DACH2: variants seen among roughly 807,000 people sequenced by gnomAD.
The protein encoded by DACH2 is dachshund family transcription factor 2.
DACH2 carries 17 observed loss-of-function variants against 35.8 expected under a neutral mutation model. That is an observed-to-expected ratio of 0.48 (90% confidence interval 0.33 to 0.71). The LOEUF is 0.71. DACH2 is among the 30% of genes least tolerant of loss of function. DACH2 has a pLI of 0.02. For synonymous variants in DACH2, 195 were observed against 177.3 expected, an observed-to-expected ratio of 1.10 and a Z score of -0.79; for missense variants, 469 against 472.7, an observed-to-expected ratio of 0.99 and a Z score of 0.07.
At chrX:86,378,069 G>A (rs911820683) in intron 2 of DACH2, among the ~76,000 whole-genome samples, 1 of 110,118 alleles carries the variant, frequency 9.1e-6, no homozygotes, top group Admixed American at 9.7e-5. Context: ...AAGTGTTTCC[G>A]ATTTTATATG....
chrX:86,428,703 C>T (rs1262815075), intron 2 of DACH2, among the ~76,000 whole-genome samples: 2 of 110,088 alleles, frequency 1.8e-5, no homozygotes, highest in Non-Finnish European at 3.8e-5. Context: ...AATTTTAACG[C>T]CAGACAAGAC....
intron 3 of DACH2, among the ~76,000 whole-genome samples, chrX:86,585,550 C>T (rs1280374530): frequency 9.0e-6 from 1 of 110,737 alleles, no homozygotes; most frequent in Non-Finnish European, 1.9e-5. Context: ...TTCTGATCCT[C>T]TCCCTCCTCC....
At chrX:86,485,393 G>C (rs984307211) in intron 2 of DACH2, among the ~76,000 whole-genome samples, 1 of 111,362 alleles carries the variant, frequency 9.0e-6, no homozygotes, top group Admixed American at 9.6e-5. Flanking sequence ...AAGGGGACTG[G>C]AGAAAGATTG....
chrX:86,677,213 A>T (rs1004206811), intron 4 of DACH2, among the ~76,000 whole-genome samples: 1 of 111,999 alleles, frequency 8.9e-6, no homozygotes, highest in Non-Finnish European at 1.9e-5. Context: ...TAGGAAGCAT[A>T]ATAATGAAAA....
At chrX:86,573,949 GA>G (rs770974066) in intron 3 of DACH2, among the ~76,000 whole-genome samples, 1 of 111,334 alleles carries the variant, frequency 9.0e-6, no homozygotes, top group African/African-American at 3.3e-5. Context: ...CCTCGTTAAA[GA>G]AAAAAATTCA....
At chrX:86,642,890 T>C (rs1194802616) in intron 3 of DACH2, among the ~76,000 whole-genome samples, 1 of 111,779 alleles carries the variant, frequency 8.9e-6, no homozygotes, top group Non-Finnish European at 1.9e-5. Context: ...CAGAAATCAA[T>C]AAGTTCTTTA....
At chrX:86,560,457 C>T (rs1222420957) in intron 3 of DACH2, among the ~76,000 whole-genome samples, 1 of 102,371 alleles carries the variant, frequency 9.8e-6, no homozygotes, top group East Asian at 3.1e-4. Context: ...TTGTGGCGTT[C>T]TCTGTATTTC....
chrX:86,598,073 A>G (rs1370034249), intron 3 of DACH2, among the ~76,000 whole-genome samples: 2 of 110,993 alleles, frequency 1.8e-5, no homozygotes, highest in Non-Finnish European at 3.8e-5. Context: ...AGATTTATTC[A>G]CTATCACGAG....
chrX:86,224,977 C>T (rs899252273), intron 1 of DACH2, among the ~76,000 whole-genome samples: 1 of 111,617 alleles, frequency 9.0e-6, no homozygotes, highest in Non-Finnish European at 1.9e-5. Context: ...GCAATGCTGA[C>T]AGGAAATGGA....
In DACH2 at chrX:86,306,907, G is replaced by T. The variant is rs934080167; in HGVS notation, c.489-69917G>T. Among the ~76,000 whole-genome samples, 5 of 111,515 alleles carry T rather than the reference G, an allele frequency of 4.5e-5. No homozygotes were observed. In the Admixed American group the frequency reaches 4.8e-4, roughly 11 times the overall value. ...ATGAAGTTTTTCCCTTGGTTTTGGG[G>T]TTTCTGAAGTTGGCTGCTTAATATG... is the stretch of plus-strand genomic sequence containing the variant. On this transcript the variant is annotated intron_variant, in intron 1 of 11. Transcript: ENST00000373125.
At chrX:86,426,076 A>G (rs2036889001) in intron 2 of DACH2, among the ~76,000 whole-genome samples, 1 of 111,786 alleles carries the variant, frequency 8.9e-6, no homozygotes, top group South Asian at 3.7e-4. Context: ...TTCAGTTTTT[A>G]AATGATAAAT....
intron 2 of DACH2, among the ~76,000 whole-genome samples, chrX:86,445,698 G>A (rs1434069073): frequency 1.8e-5 from 2 of 109,306 alleles, no homozygotes; most frequent in Non-Finnish European, 3.8e-5. Context: ...CTGATTTCTA[G>A]TGTTATGTCA....
intron 1 of DACH2, among the ~76,000 whole-genome samples, chrX:86,310,293 G>C (rs2034772056): frequency 1.8e-5 from 2 of 111,694 alleles, no homozygotes; most frequent in South Asian, 7.6e-4. Context: ...GGGCACGCTT[G>C]AGCAGTCCTG....
At chrX:86,639,988 GA>G (rs1045413574) in intron 3 of DACH2, among the ~76,000 whole-genome samples, 2 of 111,469 alleles carry the variant, frequency 1.8e-5, no homozygotes, top group African/African-American at 6.5e-5. Flanking sequence ...CTCCCAGAGG[GA>G]GGGACAGGCT....
chrX:86,526,616 C>G (rs934422306), intron 3 of DACH2, among the ~76,000 whole-genome samples: 1 of 110,746 alleles, frequency 9.0e-6, no homozygotes, highest in Non-Finnish European at 1.9e-5. Context: ...AGAGAATGCC[C>G]AAACGTAGAG....
chrX:86,504,996 G>A lies in DACH2; in HGVS notation c.528-9283G>A, dbSNP rs192698495. ...TTATATTAAGAAAAATTACAGTTGT[G>A]AAATTAAAATGCAAAGCTTCAACTC... On this transcript the variant is annotated intron_variant, in intron 2 of 11. Coordinates refer to ENST00000373125, the MANE Select transcript of DACH2 (RefSeq NM_053281.3). Among the ~76,000 whole-genome samples the A allele has an allele frequency of 3.4e-3, 380 of 111,951 alleles. 2 individuals carry two copies. The highest frequency in any genetic ancestry group is 0.012 in the African/African-American group (358 of 30,884).
chrX:86,324,986 T>C (rs1435966508), intron 1 of DACH2, among the ~76,000 whole-genome samples: 1 of 111,081 alleles, frequency 9.0e-6, no homozygotes, highest in Admixed American at 9.6e-5. Context: ...TTTTTAGGAA[T>C]AATATATTTT....
chrX:86,655,924 T>C (rs1438305755), intron 4 of DACH2, among the ~76,000 whole-genome samples: 1 of 110,739 alleles, frequency 9.0e-6, no homozygotes, highest in Non-Finnish European at 1.9e-5. Context: ...GTGCATAGCT[T>C]TGAATGAAGT....
At chrX:86,586,111 G>T (rs2039566971) in intron 3 of DACH2, among the ~76,000 whole-genome samples, 1 of 111,450 alleles carries the variant, frequency 9.0e-6, no homozygotes, top group Non-Finnish European at 1.9e-5. Flanking sequence ...CAGTCTTGCT[G>T]GTATGAGATG....
Sources: gnomAD v4.1 joint callset for allele counts (sites outside exome capture counted in the v4.1 genomes callset) on GRCh38, gnomAD v4.1.1 for gene constraint, MANE v1.5 for transcripts, NCBI Gene and HGNC (gene_info 2026-07-23, HGNC 2026-07-21) for gene names.